Variants in PRICKLE1 observed in about 807,000 individuals in gnomAD.
PRICKLE1 encodes the protein prickle planar cell polarity protein 1.
PRICKLE1 carries 14 observed loss-of-function variants against 70.2 expected under a neutral mutation model. The observed-to-expected ratio is 0.20, with a 90% CI of 0.13 to 0.31. The LOEUF is 0.31. PRICKLE1 is among the 10% of genes least tolerant of loss of function. PRICKLE1 has a pLI of 1.00. For synonymous variants in PRICKLE1, 357 were observed against 379.9 expected, an observed-to-expected ratio of 0.94 and a Z score of 0.70; for missense variants, 821 against 1,026.2, an observed-to-expected ratio of 0.80 and a Z score of 2.73.
chr12:42,500,832 T>C (rs546717203), intron 1 of PRICKLE1, among the ~76,000 whole-genome samples: 5 of 152,320 alleles, frequency 3.3e-5, no homozygotes, highest in African/African-American at 1.2e-4. Context: ...TCGTATCACA[T>C]GGGCTTGTAA....
At chr12:42,543,374 T>C (rs1221548969) in intron 1 of PRICKLE1, among the ~76,000 whole-genome samples, 1 of 151,546 alleles carries the variant, frequency 6.6e-6, no homozygotes, top group Non-Finnish European at 1.5e-5. Flanking sequence ...ACTCTTTTTT[T>C]TTTTTTTGAG....
intron 1 of PRICKLE1, among the ~76,000 whole-genome samples, chr12:42,570,636 A>C (rs776526788): frequency 6.6e-6 from 1 of 152,290 alleles, no homozygotes; most frequent in East Asian, 1.9e-4. Context: ...CCTGGCCAAC[A>C]TGATGAAATC....
chr12:42,558,775 A>G (rs1227428378), intron 1 of PRICKLE1, among the ~76,000 whole-genome samples: 1 of 152,262 alleles, frequency 6.6e-6, no homozygotes, highest in Non-Finnish European at 1.5e-5. Flanking sequence ...GCTGAAAAGC[A>G]TGGTTGATAT....
chr12:42,477,955 C>CTTTTTTTTTTTTTTTT (rs35905569), intron 1 of PRICKLE1, among the ~76,000 whole-genome samples: 1 of 133,138 alleles, frequency 7.5e-6, no homozygotes, highest in African/African-American at 2.7e-5. Flanking sequence ...CTGCCCTATA[C>CTTTTTTTTTTTTTTTT]TTTTTTTTTT....
chr12:42,529,057 A>G (rs1394802016), intron 1 of PRICKLE1, among the ~76,000 whole-genome samples: 1 of 152,206 alleles, frequency 6.6e-6, no homozygotes, highest in Non-Finnish European at 1.5e-5. Flanking sequence ...TGGATGTATC[A>G]GACTTAGACT....
intron 1 of PRICKLE1, among the ~76,000 whole-genome samples, chr12:42,497,118 T>C (rs1655226110): frequency 6.6e-6 from 1 of 152,160 alleles, no homozygotes; most frequent in Non-Finnish European, 1.5e-5. Context: ...TCCTTTCACT[T>C]GAACACACAG....
intron 6 of PRICKLE1, chr12:42,465,597 T>C (rs903149052): frequency 3.1e-6 from 1 of 326,550 alleles, no homozygotes; most frequent in Admixed American, 4.7e-5. Context: ...GTCCTATTTC[T>C]GGTCTATCTA....
intron 7 of PRICKLE1, 68 bp from the exon 8 acceptor site, chr12:42,460,733 G>C (rs1330846469): frequency 2.6e-6 from 4 of 1,551,166 alleles, no homozygotes; most frequent in Non-Finnish European, 3.5e-6. Context: ...TTAAAAGTAA[G>C]CTACTGAAAG....
chr12:42,484,616 G>T (rs1264705843), intron 1 of PRICKLE1, among the ~76,000 whole-genome samples: 3 of 152,172 alleles, frequency 2.0e-5, no homozygotes, highest in Admixed American at 1.3e-4. Context: ...CAGGTCACGC[G>T]ATGTACTAAC....
At position 42,459,091 on chromosome 12, in the gene PRICKLE1, TG is replaced by T; in HGVS notation, c.*717del. The stretch of plus-strand genomic sequence containing the variant: ...AGTTCATCCATAAATTCTGGTTCCC[TG>T]GCAAATCTAGCACTGCAGCGTAACA... On this transcript the variant is annotated 3_prime_UTR_variant, in exon 8 of 8. Transcript: ENST00000345127. The T allele has an allele frequency of 8.9e-6, 4 of 449,104 alleles. No individual in the cohort carries two copies. The East Asian group carries it at 1.3e-4, about 14-fold the overall frequency. The allele number at this position is 449,104 out of a possible 1,614,324, so 27.8% of individuals were successfully genotyped here.
intron 1 of PRICKLE1, among the ~76,000 whole-genome samples, chr12:42,546,249 T>G (rs1213035549): frequency 6.6e-6 from 1 of 152,156 alleles, no homozygotes; most frequent in African/African-American, 2.4e-5. Flanking sequence ...AAGGGTAAAG[T>G]TAATTAAATC....
chr12:42,512,385 G>A (rs1365518239), intron 1 of PRICKLE1, among the ~76,000 whole-genome samples: 1 of 152,110 alleles, frequency 6.6e-6, no homozygotes, highest in Admixed American at 6.5e-5. Flanking sequence ...TGTTGGACAG[G>A]CTGGTCTTGA....
intron 1 of PRICKLE1, among the ~76,000 whole-genome samples, chr12:42,503,485 A>G (rs1287176736): frequency 2.0e-5 from 3 of 152,218 alleles, no homozygotes; most frequent in Non-Finnish European, 4.4e-5. Flanking sequence ...GACTATCACA[A>G]TACAAATCTT....
At chr12:42,536,944 A>G (rs1940025429) in intron 1 of PRICKLE1, among the ~76,000 whole-genome samples, 1 of 152,184 alleles carries the variant, frequency 6.6e-6, no homozygotes, top group Non-Finnish European at 1.5e-5. Context: ...TATTATAATT[A>G]GCAATGCTCT....
intron 1 of PRICKLE1, among the ~76,000 whole-genome samples, chr12:42,571,803 G>GTACATGCCCCAGTCCTGCCCCAC (rs1311437570): frequency 3.9e-5 from 6 of 152,192 alleles, no homozygotes; most frequent in African/African-American, 1.4e-4. Context: ...ACCTGTATGA[G>GTACATGCCCCAGTCCTGCCCCAC]TACATGCCCC....
intron 1 of PRICKLE1, among the ~76,000 whole-genome samples, chr12:42,573,698 C>A (rs1940759388): frequency 2.6e-5 from 4 of 151,952 alleles, no homozygotes; most frequent in Admixed American, 2.0e-4. Context: ...CCACACTCAG[C>A]TAGTTTTTGT....
At chr12:42,550,729 C>T (rs1940300595) in intron 1 of PRICKLE1, among the ~76,000 whole-genome samples, 1 of 152,192 alleles carries the variant, frequency 6.6e-6, no homozygotes, top group Non-Finnish European at 1.5e-5. Flanking sequence ...AAACTTAGAA[C>T]CAGCAAGTCA....
At position 42,460,019 on chromosome 12, in the gene PRICKLE1, C is replaced by G; in HGVS notation, c.2286G>C (p.Trp762Cys). The stretch of plus-strand genomic sequence containing the variant: ...CGGAAGAGGAGGAGGAGGAAGAACA[C>G]CAGGAATCATCATCCTCGCCGTAGA... ...LGLYGEDDDSWCSSSSSSSDS... is the reference protein window; with the variant it reads ...LGLYGEDDDSCCSSSSSSSDS... Residue 762 changes from tryptophan (W) to cysteine (C), a missense_variant, in exon 8 of 8, where the codon TGG becomes TGC. Trp to Cys is a radical substitution (Grantham distance 215). Coordinates refer to ENST00000345127, the MANE Select transcript of PRICKLE1 (RefSeq NM_153026.3). The G allele has an allele frequency of 6.2e-7, 1 of 1,613,990 alleles. No homozygotes were observed. Among genetic ancestry groups the G allele is most frequent in the Non-Finnish European group, 8.5e-7 (1 of 1,180,012 alleles).
chr12:42,561,318 T>A (rs1448713669), intron 1 of PRICKLE1, among the ~76,000 whole-genome samples: 1 of 152,222 alleles, frequency 6.6e-6, no homozygotes, highest in East Asian at 1.9e-4. Flanking sequence ...TTTTCACTAA[T>A]AGACCTTTCT....
Sources: allele counts gnomAD v4.1 joint callset (sites outside exome capture counted in the v4.1 genomes callset), GRCh38; gene constraint gnomAD v4.1.1; transcripts MANE v1.5; gene names NCBI Gene and HGNC (gene_info 2026-07-23, HGNC 2026-07-21).